Variants in HORMAD1 observed in about 807,000 individuals in gnomAD.
HORMAD1 encodes HORMA domain containing 1, also known as HORMA domain-containing protein 1.
HORMAD1 carries 33 observed loss-of-function variants against 58.2 expected under a neutral mutation model. That is an observed-to-expected ratio of 0.57 (90% confidence interval 0.43 to 0.76). HORMAD1 has a LOEUF of 0.76. Ranked by LOEUF, HORMAD1 falls within the 30% of genes least tolerant of loss-of-function variation. The pLI is 0.00. For synonymous variants in HORMAD1, 137 were observed against 144.6 expected, an observed-to-expected ratio of 0.95 and a Z score of 0.38; for missense variants, 363 against 462.0, an observed-to-expected ratio of 0.79 and a Z score of 1.96.
chr1:150,715,042 C>T (rs1652027187), intron 3 of HORMAD1, among the ~76,000 whole-genome samples: 1 of 152,050 alleles, frequency 6.6e-6, no homozygotes, highest in Non-Finnish European at 1.5e-5. Context: ...GCCTCAACCT[C>T]CCAAAGTGCT....
chr1:150,716,757 A>G (rs1390801350), intron 3 of HORMAD1, among the ~76,000 whole-genome samples: 1 of 151,470 alleles, frequency 6.6e-6, no homozygotes. Context: ...AGGTGAGGAA[A>G]TCGAGACCAT....
chr1:150,715,485 T>C (rs1272772234), intron 3 of HORMAD1, among the ~76,000 whole-genome samples: 1 of 152,182 alleles, frequency 6.6e-6, no homozygotes, highest in African/African-American at 2.4e-5. Context: ...GTATATAACA[T>C]AGTGCTTAAC....
intron 2 of HORMAD1, among the ~76,000 whole-genome samples, chr1:150,718,696 C>T (rs1652163748): frequency 6.6e-6 from 1 of 152,040 alleles, no homozygotes; most frequent in Admixed American, 6.6e-5. Context: ...GTGATCTCGA[C>T]TCACTGCAAC....
chr1:150,712,449 T>C (rs1233075313), intron 5 of HORMAD1, among the ~76,000 whole-genome samples: 1 of 152,230 alleles, frequency 6.6e-6, no homozygotes. Context: ...GCAACCATTA[T>C]TTCTCACCAG....
Position 150,717,279 on chromosome 1 carries a change from C to G in HORMAD1, c.37G>C (p.Ala13Pro). Residue 13 changes from alanine to proline, a missense_variant, in exon 3 of 15, where the codon GCA becomes CCA. By Grantham distance (27) the Ala-to-Pro change is conservative. Transcript: ENST00000361824. ...GATATCTTATTGGGAAATACCAGTG[C>G]ACTCTAAAATTCAAGGGAAAGTAGA... ...TAQLQRTPMS[A>P]LVFPNKISTE... The G allele has an allele frequency of 6.5e-7, 1 of 1,533,344 alleles. No homozygotes were observed. The highest frequency in any genetic ancestry group is 8.8e-7 in the Non-Finnish European group (1 of 1,140,574). The allele number at this position is 1,533,344 out of a possible 1,614,324, so 95.0% of individuals were successfully genotyped here.
rs1651671941 is a variant in HORMAD1 at position 150,705,746 on chromosome 1, G to GA, written c.804+806_804+807insT. On this transcript the variant is annotated intron_variant, in intron 10 of 14. Coordinates refer to ENST00000361824, the MANE Select transcript of HORMAD1 (RefSeq NM_032132.5). ...ACTGGGATTTAGGTCTTAGAAAAAA[G>GA]TTTTTTTCTTTAACTGAATTGGTTG... 3.9e-5 allele frequency among the ~76,000 whole-genome samples: 6 copies of GA among 152,112 alleles called. No individual in the cohort carries two copies. The South Asian group carries it at 1.2e-3, about 32-fold the overall frequency.
At chr1:150,708,590 AACTT>A (rs1324809906) in intron 8 of HORMAD1, among the ~76,000 whole-genome samples, 183 bp from the exon 9 acceptor site, 2 of 152,230 alleles carry the variant, frequency 1.3e-5, no homozygotes, top group Non-Finnish European at 2.9e-5. Context: ...TAGAAATAAT[AACTT>A]AATTTTACTT....
At chr1:150,711,722 C>A in intron 6 of HORMAD1, 111 bp downstream of exon 6, 3 of 934,016 alleles carry the variant, frequency 3.2e-6, no homozygotes, top group Non-Finnish European at 5.1e-6. Flanking sequence ...TTGAATAGAT[C>A]AGTTATTTGA....
At chr1:150,709,418 C>T (rs1232323248) in intron 7 of HORMAD1, among the ~76,000 whole-genome samples, 1 of 152,146 alleles carries the variant, frequency 6.6e-6, no homozygotes, top group Non-Finnish European at 1.5e-5. Context: ...CTGTGCAGGA[C>T]GTGCCTTGTT....
chr1:150,717,747 T>C (rs745925540), intron 2 of HORMAD1, among the ~76,000 whole-genome samples: 8 of 151,958 alleles, frequency 5.3e-5, no homozygotes, highest in Non-Finnish European at 1.0e-4. Context: ...CCTGGCCAAA[T>C]GGTGAAACCC....
chr1:150,708,384 C>A lies in HORMAD1; in HGVS notation c.419G>T (p.Ser140Ile). The A allele has an allele frequency of 1.9e-6, 3 of 1,601,398 alleles. No homozygotes were observed. Among genetic ancestry groups the A allele is most frequent in the Non-Finnish European group, 1.7e-6 (2 of 1,174,420 alleles). The stretch of plus-strand genomic sequence containing the variant: ...TTTCTTGGTGTCAGTAGACAACATG[C>A]TAGATTCGTTGCTTTGGTTTTTACT... ...FISKNQSNES[S>I]MLSTDTKKAS... Residue 140 changes from serine (S) to isoleucine (I), a missense_variant, in exon 9 of 15, where the codon AGC becomes ATC. Around this residue, in one of 3 missense-constraint regions of HORMAD1, gnomAD observed 128 missense variants for 171.8 expected, o/e 0.74. Coordinates refer to ENST00000361824, the MANE Select transcript of HORMAD1 (RefSeq NM_032132.5).
chr1:150,718,131 T>C (rs1652142854), intron 2 of HORMAD1, among the ~76,000 whole-genome samples: 1 of 152,112 alleles, frequency 6.6e-6, no homozygotes, highest in Non-Finnish European at 1.5e-5. Context: ...GAGGTGTGTG[T>C]GCAACAATCA....
Position 150,717,187 on chromosome 1 carries a change from A to G in HORMAD1, c.129T>C (p.Tyr43=). The G allele has an allele frequency of 6.3e-7, 1 of 1,591,484 alleles. No individual in the cohort carries two copies. Among genetic ancestry groups the G allele is most frequent in the Non-Finnish European group, 8.6e-7 (1 of 1,165,056 alleles). The change falls in exon 3 of 15, where the codon TAT becomes TAC. Residue 43 remains tyrosine (Y), a synonymous_variant. Coordinates refer to ENST00000361824, the MANE Select transcript of HORMAD1 (RefSeq NM_032132.5). ...LLAVSVSCIT[Y]LRGIFPECAY... is the part of the protein sequence containing the mutation. ...CGCATTCTGGGAATATTCCCCTCAA[A>G]TACGTGATACAGGATACTGAAACTG...
chr1:150,706,639 T>C lies in HORMAD1; in HGVS notation c.718A>G (p.Ile240Val). 17 of 1,613,604 alleles carry C rather than the reference T, an allele frequency of 1.1e-5. 1 individual carries two copies. The Middle Eastern group carries it at 2.8e-3, about 266-fold the overall frequency. Residue 240 changes from isoleucine (I) to valine (V), a missense_variant, in exon 10 of 15, where the codon ATA becomes GTA. Ile to Val is a conservative substitution (Grantham distance 29). This residue lies in a region of HORMAD1 where 226 missense variants were observed against 257.8 expected (regional missense o/e 0.88). Coordinates refer to ENST00000361824, the MANE Select transcript of HORMAD1 (RefSeq NM_032132.5). ...GTTTTTATTTGTTTTGGTGATAGTA[T>C]AGTTGAGTCAATATTTTCCATTCGT... ...RERMENIDST[I>V]LSPKQIKTPF...
chr1:150,717,805 C>A (rs587638805), intron 2 of HORMAD1, among the ~76,000 whole-genome samples: 4 of 152,080 alleles, frequency 2.6e-5, no homozygotes, highest in Non-Finnish European at 2.9e-5. Flanking sequence ...TGGCAGGCAC[C>A]TGTAAACCCA....
In HORMAD1 at chr1:150,698,737, G is replaced by T; in HGVS notation, c.1105-3C>A. On this transcript the variant is annotated splice_polypyrimidine_tract_variant and splice_region_variant and intron_variant, in intron 14 of 14. Coordinates refer to ENST00000361824, the MANE Select transcript of HORMAD1 (RefSeq NM_032132.5). ...GAAGAATCAAAGTGATGGAGGACCT[G>T]TCAAAAGAAAACAACTACTAAGAAT... The T allele has an allele frequency of 6.4e-7, 1 of 1,564,482 alleles. No individual in the cohort carries two copies. Among genetic ancestry groups the T allele is most frequent in the Non-Finnish European group, 8.8e-7 (1 of 1,142,646 alleles).
chr1:150,702,162 CAT>C (rs1324658460), intron 13 of HORMAD1, among the ~76,000 whole-genome samples: 8 of 152,128 alleles, frequency 5.3e-5, no homozygotes, highest in Non-Finnish European at 8.8e-5. Flanking sequence ...GGCCAACAAA[CAT>C]ATGAAAAACA....
intron 7 of HORMAD1, 58 bp downstream of exon 7, chr1:150,711,487 C>T (rs587771951): frequency 3.1e-5 from 34 of 1,085,754 alleles, no homozygotes; most frequent in South Asian, 7.7e-5. Flanking sequence ...TATTATGTTT[C>T]GTGTTATTTT....
intron 13 of HORMAD1, among the ~76,000 whole-genome samples, chr1:150,702,225 A>G (rs796115904): frequency 6.6e-6 from 1 of 152,216 alleles, no homozygotes; most frequent in South Asian, 2.1e-4. Context: ...ACAATGAGAT[A>G]CCATCTCATG....
Sources: gnomAD v4.1 joint callset for allele counts (sites outside exome capture counted in the v4.1 genomes callset) on GRCh38, gnomAD v4.1.1 for gene constraint, gnomAD v4.1.1 regional missense constraint, MANE v1.5 for transcripts, NCBI Gene and HGNC (gene_info 2026-07-23, HGNC 2026-07-21) for gene names.